The following NEMP2 variants were observed in gnomAD, a reference collection of about 807,000 sequenced individuals.
NEMP2 encodes UPF0571 transmembrane protein.
NEMP2 carries 53 observed loss-of-function variants against 54.2 expected under a neutral mutation model. That is an observed-to-expected ratio of 0.98 (90% confidence interval 0.78 to 1.23). The LOEUF (loss-of-function observed/expected upper bound fraction) is 1.23. NEMP2 is among the 50% of genes most tolerant of loss of function. The pLI is 0.00. For synonymous variants in NEMP2, 197 were observed against 190.3 expected (o/e 1.04, Z -0.29); for missense variants, 455 against 511.3 (o/e 0.89, Z 1.06).
chr2:190,442,466 T>A, the NEMP2 span: 1 of 151,990 alleles, frequency 6.6e-6, no homozygotes, highest in Non-Finnish European at 1.5e-5. Context: ...TTTTCATATG[T>A]TCCTCCCTGC....
the NEMP2 span, among the ~76,000 whole-genome samples, chr2:190,634,257 A>G: frequency 6.6e-6 from 1 of 152,318 alleles, no homozygotes; most frequent in Admixed American, 6.5e-5. This position sits in a 1 kb window ranked among gnomAD's most constrained non-coding sequence, Gnocchi z 6.8. Context: ...GAAGTCCTGT[A>G]AATTCCATCC....
the NEMP2 span, chr2:190,436,195 T>G: frequency 1.9e-6 from 3 of 1,614,198 alleles, no homozygotes; most frequent in Non-Finnish European, 2.5e-6. This position sits in a 1 kb window ranked among gnomAD's most constrained non-coding sequence, Gnocchi z 5.3. Flanking sequence ...GGAAATAGAC[T>G]GGATAGAGAA....
the NEMP2 span, among the ~76,000 whole-genome samples, chr2:190,588,784 T>G: frequency 5.9e-5 from 9 of 152,140 alleles, no homozygotes; most frequent in African/African-American, 1.9e-4. This position sits in a 1 kb window ranked among gnomAD's most constrained non-coding sequence, Gnocchi z 5.0. Flanking sequence ...GCTTGTTGAT[T>G]GGCAAGTCAG....
At chr2:190,489,867 G>T in the NEMP2 span, 4 of 1,613,006 alleles carry the variant, frequency 2.5e-6, no homozygotes, top group Non-Finnish European at 3.4e-6. The surrounding 1 kb of genome is among the most constrained non-coding windows in gnomAD (Gnocchi z 6.6). Flanking sequence ...GAGGAAGAAG[G>T]TAATTATTTC....
the NEMP2 span, among the ~76,000 whole-genome samples, chr2:190,561,819 A>C: frequency 6.6e-6 from 1 of 152,246 alleles, no homozygotes; most frequent in Non-Finnish European, 1.5e-5. This position sits in a 1 kb window ranked among gnomAD's most constrained non-coding sequence, Gnocchi z 5.4. Flanking sequence ...TTCTCATAAC[A>C]TAATGAGCTC....
At chr2:190,516,774 C>A (rs1690572863) in intron 5 of NEMP2, among the ~76,000 whole-genome samples, 1 of 152,170 alleles carries the variant, frequency 6.6e-6, no homozygotes, top group Admixed American at 6.5e-5. Flanking sequence ...TATTTATCCT[C>A]AACTAAGTTC....
At chr2:190,541,097 T>A in the NEMP2 span, among the ~76,000 whole-genome samples, 3 of 152,010 alleles carry the variant, frequency 2.0e-5, no homozygotes, top group Non-Finnish European at 4.4e-5. This position sits in a 1 kb window ranked among gnomAD's most constrained non-coding sequence, Gnocchi z 5.2. Context: ...TTTATTTATT[T>A]GGGTCTTCTC....
chr2:190,468,179 T>C, the NEMP2 span, among the ~76,000 whole-genome samples: 3 of 152,174 alleles, frequency 2.0e-5, no homozygotes, highest in African/African-American at 4.8e-5. Flanking sequence ...TTAAGGCAGA[T>C]TGAAACGTAC....
Position 190,525,515 on chromosome 2 carries a change from T to G in NEMP2, c.98-137A>C. The G allele has an allele frequency of 5.5e-6, 3 of 546,192 alleles. No individual in the cohort carries two copies. Among genetic ancestry groups the G allele is most frequent in the South Asian group, 2.6e-5 (1 of 38,400 alleles). The allele number at this position is 546,192 out of a possible 1,614,324, so 33.8% of individuals were successfully genotyped here. A position where few individuals can be genotyped will look rare whatever the true frequency, so the allele number is the denominator to read the frequency against. ...AAATTCTCCTATATGATAATTATAG[T>G]CCTTCAGTGTTTCCAACCAAGGAGG... On this transcript the variant is annotated intron_variant, in intron 1 of 8. Transcript: ENST00000409150. This position sits in a 1 kb window ranked among gnomAD's most constrained non-coding sequence, Gnocchi z 5.0.
chr2:190,633,357 A>C, the NEMP2 span, among the ~76,000 whole-genome samples: 3 of 135,548 alleles, frequency 2.2e-5, no homozygotes, highest in Admixed American at 1.6e-4. Flanking sequence ...CTTGTTGCCC[A>C]GGTTGGAGTG....
chr2:190,641,017 G>T, the NEMP2 span: 1 of 152,138 alleles, frequency 6.6e-6, no homozygotes, highest in Admixed American at 6.5e-5. Flanking sequence ...CTGCAGATCT[G>T]TCCCAACTAC....
chr2:190,499,914 A>G, downstream of NEMP2: 3 of 1,582,086 alleles, frequency 1.9e-6, no homozygotes, highest in Non-Finnish European at 2.6e-6. The surrounding 1 kb of genome is among the most constrained non-coding windows in gnomAD (Gnocchi z 6.0). Context: ...GCACTTCCGG[A>G]TGATCTCCCC....
At chr2:190,607,178 A>C in the NEMP2 span, among the ~76,000 whole-genome samples, 3 of 152,194 alleles carry the variant, frequency 2.0e-5, no homozygotes, top group East Asian at 5.8e-4. This position sits in a 1 kb window ranked among gnomAD's most constrained non-coding sequence, Gnocchi z 5.2. Context: ...TGAGCAAGGG[A>C]ATAGGAGTCA....
the NEMP2 span, among the ~76,000 whole-genome samples, chr2:190,573,083 A>G: frequency 6.6e-6 from 1 of 151,724 alleles, no homozygotes; most frequent in East Asian, 1.9e-4. Flanking sequence ...ACACATCCCT[A>G]TAGGTAGGTT....
chr2:190,594,225 C>A, the NEMP2 span, among the ~76,000 whole-genome samples: 1 of 152,188 alleles, frequency 6.6e-6, no homozygotes, highest in Middle Eastern at 3.2e-3. This position sits in a 1 kb window ranked among gnomAD's most constrained non-coding sequence, Gnocchi z 5.6. Flanking sequence ...TTCTAATATT[C>A]AGGCCTCAAC....
chr2:190,471,126 G>A, the NEMP2 span, among the ~76,000 whole-genome samples: 19 of 152,244 alleles, frequency 1.2e-4, no homozygotes, highest in East Asian at 3.9e-4. This position sits in a 1 kb window ranked among gnomAD's most constrained non-coding sequence, Gnocchi z 4.7. Context: ...CAAGATGGCC[G>A]AATAGGAACA....
chr2:190,540,284 A>G, the NEMP2 span, among the ~76,000 whole-genome samples: 1 of 77,378 alleles, frequency 1.3e-5, no homozygotes, highest in Admixed American at 1.8e-4. Flanking sequence ...ATCATAGTGA[A>G]TGATTTTTTT....
At chr2:190,538,697 TTCC>T (rs1201919268), upstream of NEMP2, among the ~76,000 whole-genome samples, 2 of 152,322 alleles carry the variant, frequency 1.3e-5, no homozygotes, top group African/African-American at 4.8e-5. The surrounding 1 kb of genome is among the most constrained non-coding windows in gnomAD (Gnocchi z 4.1). Flanking sequence ...GATTTGTACT[TTCC>T]TGATTATTTT....
Position 190,510,492 on chromosome 2 carries a change from A to G in NEMP2, c.999T>C (p.Tyr333=), listed in dbSNP as rs931286202. The G allele has an allele frequency of 1.3e-6, 2 of 1,551,924 alleles. No individual in the cohort carries two copies. Among genetic ancestry groups the G allele is most frequent in the East Asian group, 2.4e-5 (1 of 40,916 alleles). The change falls in exon 8 of 9, where the codon TAT becomes TAC. Residue 333 remains tyrosine, a synonymous_variant. Coordinates refer to ENST00000409150, the MANE Select transcript of NEMP2 (RefSeq NM_001142645.2). This position sits in a 1 kb window ranked among gnomAD's most constrained non-coding sequence, Gnocchi z 5.7. The part of the protein sequence containing the change: ...WFTSKELVVK[Y]LTEDEYREQA... ...GCTCCCTGTACTCGTCTTCCGTAAG[A>G]TATTTCACCACCAGCTCTTTTGATG...
Sources: gnomAD v4.1 joint callset for allele counts (sites outside exome capture counted in the v4.1 genomes callset) on GRCh38, gnomAD v4.1.1 for gene constraint, Gnocchi (gnomAD v3.1) non-coding constraint, MANE v1.5 for transcripts, NCBI Gene and HGNC (gene_info 2026-07-23, HGNC 2026-07-21) for gene names.